ATP10D: variants seen among roughly 807,000 people sequenced by gnomAD.
The protein encoded by ATP10D is ATPase phospholipid transporting 10D (putative).
A neutral mutation model predicts 144.8 loss-of-function variants in ATP10D; 89 were observed. The ratio of observed to expected loss-of-function variants is 0.61; its 90% CI spans 0.52 to 0.73. The LOEUF (loss-of-function observed/expected upper bound fraction) is 0.73. Among genes scored for constraint, ATP10D ranks in the 30% least tolerant of loss-of-function variants. The pLI is 0.00. For missense variants in ATP10D, 1,603 were observed against 1,714.8 expected (o/e 0.93, Z 1.15); for synonymous variants, 571 against 615.1 (o/e 0.93, Z 1.06).
chr4:47,535,583 C>T lies in ATP10D; in HGVS notation c.851C>T (p.Thr284Ile). Residue 284 changes from threonine (T) to isoleucine (I), a missense_variant, in exon 6 of 23, where the codon ACA becomes ATA. Transcript: ENST00000273859. ...LLLRGCTIRNTEAVVGIVVYA... is the reference protein window; with the variant it reads ...LLLRGCTIRNIEAVVGIVVYA... ...CTTAGAGGATGCACCATTAGAAACA[C>T]AGAGGCTGTTGTGGGCATTGTGGTT... 1.9e-6 allele frequency: 3 copies of T among 1,613,072 alleles called. No homozygotes were observed. Among genetic ancestry groups the T allele is most frequent in the Non-Finnish European group, 2.5e-6 (3 of 1,179,414 alleles).
intron 3 of ATP10D, among the ~76,000 whole-genome samples, chr4:47,516,681 A>G (rs1433823494): frequency 6.6e-6 from 1 of 152,248 alleles, no homozygotes; most frequent in Non-Finnish European, 1.5e-5. Flanking sequence ...TGATCTATCA[A>G]GAAAACAAGG....
At chr4:47,543,475 T>C (rs184944005) in intron 9 of ATP10D, among the ~76,000 whole-genome samples, 1 of 152,296 alleles carries the variant, frequency 6.6e-6, no homozygotes, top group Admixed American at 6.5e-5. Flanking sequence ...AGAAGTATCC[T>C]TGGCCTCCAC....
At chr4:47,523,290 A>C (rs987935654) in intron 4 of ATP10D, 74 bp downstream of exon 4, 2 of 1,199,554 alleles carry the variant, frequency 1.7e-6, no homozygotes, top group African/African-American at 3.0e-5. Context: ...TTTTCACATT[A>C]CAGATAAAGA....
chr4:47,542,540 C>T (rs566289116), intron 9 of ATP10D, among the ~76,000 whole-genome samples: 25 of 152,276 alleles, frequency 1.6e-4, no homozygotes, highest in East Asian at 5.8e-4. Flanking sequence ...TGAAGTGGTG[C>T]GATCTTGGCT....
chr4:47,485,700 A>T (rs1714716455), intron 1 of ATP10D, among the ~76,000 whole-genome samples, 181 bp downstream of exon 1: 2 of 152,030 alleles, frequency 1.3e-5, no homozygotes, highest in African/African-American at 2.4e-5. Flanking sequence ...AAAAAAAAAC[A>T]ACAAAAGATA....
At chr4:47,497,277 G>A (rs1353125128) in intron 1 of ATP10D, among the ~76,000 whole-genome samples, 1 of 152,020 alleles carries the variant, frequency 6.6e-6, no homozygotes, top group Admixed American at 6.5e-5. Flanking sequence ...CCAACGTGGA[G>A]AAATCCCGTC....
chr4:47,569,408 T>C (rs1030362140), intron 16 of ATP10D, among the ~76,000 whole-genome samples: 5 of 125,846 alleles, frequency 4.0e-5, no homozygotes, highest in Non-Finnish European at 6.9e-5. Context: ...GACCCCCAAA[T>C]CAACAAGCTT....
At chr4:47,564,740 C>T (rs1420358353) in intron 15 of ATP10D, among the ~76,000 whole-genome samples, 1 of 152,170 alleles carries the variant, frequency 6.6e-6, no homozygotes, top group Non-Finnish European at 1.5e-5. Context: ...TTATTTTTCT[C>T]AGAAGCCTTC....
At chr4:47,532,222 C>T (rs1322635558) in intron 5 of ATP10D, among the ~76,000 whole-genome samples, 1 of 152,166 alleles carries the variant, frequency 6.6e-6, no homozygotes, top group Admixed American at 6.6e-5. Context: ...GCATCATTTG[C>T]TGTGCTGGGC....
Position 47,563,606 on chromosome 4 carries a change from G to T in ATP10D, c.2694G>T (p.Leu898=), listed in dbSNP as rs373757738. 22 of 1,611,430 alleles carry T rather than the reference G, an allele frequency of 1.4e-5. No individual in the cohort carries two copies. In the African/African-American group the frequency reaches 2.5e-4, roughly 19 times the overall value. ...LLGATGIEDR[L]QEGVPESIEA... ...GTGCTACTGGCATTGAAGACCGTCTGCAGGAGGGAGTCCCTGAATCTATAG... is the reference window on the plus strand; with the variant it reads ...GTGCTACTGGCATTGAAGACCGTCTTCAGGAGGGAGTCCCTGAATCTATAG... The change falls in exon 15 of 23, where the codon CTG becomes CTT. Residue 898 remains leucine, a synonymous_variant. Transcript: ENST00000273859.
At position 47,558,207 on chromosome 4, in the gene ATP10D, C is replaced by T; in HGVS notation, c.2368C>T (p.Gln790Ter). The change falls in exon 12 of 23, where the codon CAA becomes TAA. Residue 790 changes from glutamine (Q) to a stop codon, truncating the protein, a stop_gained. Coordinates refer to ENST00000273859, the MANE Select transcript of ATP10D (RefSeq NM_020453.4). LOFTEE classifies it high-confidence loss of function. ...TGTGGTCCGACACCCTCTTTCCAATCAAGTTGTGGTGTATACGAAAGGCGC... is the reference window on the plus strand; with the variant it reads ...TGTGGTCCGACACCCTCTTTCCAATTAAGTTGTGGTGTATACGAAAGGCGC... ...SVVVRHPLSN[Q>*]VVVYTKGADS... The T allele has an allele frequency of 6.2e-7, 1 of 1,614,192 alleles. No homozygotes were observed. Among genetic ancestry groups the T allele is most frequent in the Non-Finnish European group, 8.5e-7 (1 of 1,180,032 alleles).
intron 19 of ATP10D, chr4:47,578,567 A>T (rs1720351200): frequency 6.6e-6 from 1 of 151,662 alleles, no homozygotes; most frequent in South Asian, 2.1e-4. Flanking sequence ...CTTTCCTTTT[A>T]CTCTAGGTTC....
chr4:47,585,050 A>C (rs1429824886), intron 21 of ATP10D, among the ~76,000 whole-genome samples: 1 of 152,220 alleles, frequency 6.6e-6, no homozygotes, highest in East Asian at 1.9e-4. Flanking sequence ...TTTAGGTAGT[A>C]CTGTATACTG....
intron 4 of ATP10D, 35 bp from the exon 5 acceptor site, chr4:47,525,522 G>A (rs369970449): frequency 1.3e-5 from 19 of 1,463,534 alleles, no homozygotes; most frequent in Non-Finnish European, 1.8e-5. Flanking sequence ...GTTTAACCTT[G>A]AATTCTTATT....
At chr4:47,533,560 A>G (rs972743191) in intron 5 of ATP10D, among the ~76,000 whole-genome samples, 1 of 152,212 alleles carries the variant, frequency 6.6e-6, no homozygotes, top group African/African-American at 2.4e-5. Flanking sequence ...AGGAACAAGC[A>G]GTGACTTGTA....
In ATP10D at chr4:47,542,658, T is replaced by C. The variant is rs190555307; in HGVS notation, c.1397-3966T>C. On this transcript the variant is annotated intron_variant, in intron 9 of 22. Coordinates refer to ENST00000273859, the MANE Select transcript of ATP10D (RefSeq NM_020453.4). ...ACACCCAGCTAATTTTGTGTATTTT[T>C]AGTAGAGATGGGGTTTCGCCATGTT... 3.4e-3 allele frequency among the ~76,000 whole-genome samples: 511 copies of C among 151,922 alleles called. 4 individuals are homozygous for C. Among genetic ancestry groups the C allele is most frequent in the Middle Eastern group, 0.014 (4 of 292 alleles).
intron 10 of ATP10D, 51 bp downstream of exon 10, chr4:47,546,913 G>C: frequency 6.6e-7 from 1 of 1,518,796 alleles, no homozygotes; most frequent in South Asian, 1.1e-5. Flanking sequence ...TGTATGATGA[G>C]AGAACAGCCT....
rs537225961 is a variant in ATP10D, at chr4:47,498,208, A to G, written c.-38+12689A>G. Among the ~76,000 whole-genome samples the G allele has an allele frequency of 5.3e-5, 8 of 152,218 alleles. No homozygotes were observed. The South Asian group carries it at 1.7e-3, about 32-fold the overall frequency. On this transcript the variant is annotated intron_variant, in intron 1 of 22. Transcript: ENST00000273859. Reference sequence around the variant, plus strand: ...CTCTGTTCTTTCCACTGTGCTACTTACCTCTCTCTTGGACAAATGTGATGG... The same window carrying G: ...CTCTGTTCTTTCCACTGTGCTACTTGCCTCTCTCTTGGACAAATGTGATGG...
chr4:47,552,009 T>C (rs190599003), intron 10 of ATP10D, among the ~76,000 whole-genome samples: 1 of 152,344 alleles, frequency 6.6e-6, no homozygotes, highest in African/African-American at 2.4e-5. Flanking sequence ...TGTAGACCTT[T>C]CCTTAAATCT....
Sources: allele counts gnomAD v4.1 joint callset (sites outside exome capture counted in the v4.1 genomes callset), GRCh38; gene constraint gnomAD v4.1.1; transcripts MANE v1.5; gene names NCBI Gene and HGNC (gene_info 2026-07-23, HGNC 2026-07-21).